EEFSEC: variants seen among roughly 807,000 people sequenced by gnomAD.
EEFSEC encodes the protein eukaryotic elongation factor, selenocysteine-tRNA specific, also known as selenocysteine-specific elongation factor.
A neutral mutation model predicts 42.1 loss-of-function variants in EEFSEC; 43 were observed. That is an observed-to-expected ratio of 1.02 (90% confidence interval 0.80 to 1.32). The LOEUF is 1.32. EEFSEC is among the 40% of genes most tolerant of loss of function. The pLI is 0.00. For synonymous variants in EEFSEC, 354 were observed against 339.1 expected (o/e 1.04, Z -0.48); for missense variants, 745 against 803.6 (o/e 0.93, Z 0.88).
intron 1 of EEFSEC, among the ~76,000 whole-genome samples, chr3:128,195,903 T>C (rs867412335): frequency 6.6e-6 from 1 of 152,134 alleles, no homozygotes; most frequent in African/African-American, 2.4e-5. Flanking sequence ...TTTCAGGAAG[T>C]GTTTGGACCC....
intron 1 of EEFSEC, among the ~76,000 whole-genome samples, chr3:128,225,818 T>G (rs1254115586): frequency 6.6e-6 from 1 of 152,070 alleles, no homozygotes; most frequent in African/African-American, 2.4e-5. Context: ...ACCTGCAGGT[T>G]TTGGAGAGAA....
At chr3:128,381,739 G>C (rs1283074720) in intron 6 of EEFSEC, among the ~76,000 whole-genome samples, 1 of 152,186 alleles carries the variant, frequency 6.6e-6, no homozygotes, top group Non-Finnish European at 1.5e-5. Flanking sequence ...ACACGGAAGG[G>C]GCATCTTCGT....
intron 6 of EEFSEC, among the ~76,000 whole-genome samples, chr3:128,402,524 C>A (rs529645020): frequency 1.6e-4 from 25 of 152,320 alleles, no homozygotes; most frequent in African/African-American, 5.3e-4. Flanking sequence ...CTGGCGTTCC[C>A]GCTCTGCCTG....
At chr3:128,271,448 T>C (rs2066411791) in intron 4 of EEFSEC, among the ~76,000 whole-genome samples, 1 of 152,208 alleles carries the variant, frequency 6.6e-6, no homozygotes, top group South Asian at 2.1e-4. Context: ...GCAGTTTCTG[T>C]GCATTTGATG....
At chr3:128,340,861 G>A (rs1362596977) in intron 4 of EEFSEC, among the ~76,000 whole-genome samples, 1 of 152,188 alleles carries the variant, frequency 6.6e-6, no homozygotes, top group Non-Finnish European at 1.5e-5. Flanking sequence ...ACAGAGGGCT[G>A]GAAAATGCTA....
chr3:128,242,921 C>T (rs1207063637), intron 1 of EEFSEC, among the ~76,000 whole-genome samples: 3 of 152,204 alleles, frequency 2.0e-5, no homozygotes, highest in Non-Finnish European at 4.4e-5. Flanking sequence ...CGATTTTCTA[C>T]CCTGGGTTCA....
At chr3:128,333,663 A>G (rs138430272) in intron 4 of EEFSEC, among the ~76,000 whole-genome samples, 2 of 152,336 alleles carry the variant, frequency 1.3e-5, no homozygotes, top group East Asian at 1.9e-4. Flanking sequence ...CTGTGGTAAC[A>G]TAATGCAGCT....
chr3:128,376,411 G>T (rs776578867), intron 6 of EEFSEC, among the ~76,000 whole-genome samples: 2 of 152,136 alleles, frequency 1.3e-5, no homozygotes, highest in Admixed American at 6.5e-5. Context: ...CCAGGGCCCC[G>T]CAGCATTCTG....
chr3:128,246,250 A>T (rs1233877347), intron 1 of EEFSEC, among the ~76,000 whole-genome samples: 1 of 140,240 alleles, frequency 7.1e-6, no homozygotes, highest in Non-Finnish European at 1.6e-5. Context: ...ACACACACAC[A>T]CGCACACAAA....
At chr3:128,419,257 G>GA in the EEFSEC span, among the ~76,000 whole-genome samples, 7,158 of 152,054 alleles carry the variant, frequency 0.047, 248 homozygotes, top group Non-Finnish European at 0.068. Flanking sequence ...TGAAACAGGA[G>GA]AAAAAAAATG....
At chr3:128,271,021 A>G (rs910998422) in intron 4 of EEFSEC, among the ~76,000 whole-genome samples, 7 of 152,252 alleles carry the variant, frequency 4.6e-5, no homozygotes, top group African/African-American at 1.7e-4. Context: ...AATAATAGGA[A>G]AAAGCCAATA....
intron 6 of EEFSEC, among the ~76,000 whole-genome samples, chr3:128,366,977 A>T (rs1047034342): frequency 3.9e-5 from 6 of 152,174 alleles, no homozygotes; most frequent in Non-Finnish European, 7.4e-5. Flanking sequence ...GAAGTCCAAG[A>T]TCAAGGTGTC....
At chr3:128,313,248 G>A (rs1165632985) in intron 4 of EEFSEC, among the ~76,000 whole-genome samples, 4 of 152,228 alleles carry the variant, frequency 2.6e-5, no homozygotes, top group Admixed American at 2.0e-4. Flanking sequence ...ATCCAATTGG[G>A]GGAGTCCAGG....
the EEFSEC span, among the ~76,000 whole-genome samples, chr3:128,425,066 C>A: frequency 3.9e-5 from 6 of 152,184 alleles, no homozygotes. Flanking sequence ...CAGTAAAAAT[C>A]ACCCCTTTAA....
intron 1 of EEFSEC, among the ~76,000 whole-genome samples, chr3:128,242,395 A>T (rs1220310989): frequency 6.6e-6 from 1 of 152,204 alleles, no homozygotes; most frequent in Non-Finnish European, 1.5e-5. Flanking sequence ...CATCCTGCAC[A>T]TGTACCCCTG....
chr3:128,287,937 A>G (rs897934992), intron 4 of EEFSEC, among the ~76,000 whole-genome samples: 1 of 151,992 alleles, frequency 6.6e-6, no homozygotes, highest in Non-Finnish European at 1.5e-5. Context: ...TAGTATACAC[A>G]TTGTTTTGTA....
At chr3:128,251,649 AT>A (rs199539823) in intron 2 of EEFSEC, among the ~76,000 whole-genome samples, 10 of 151,386 alleles carry the variant, frequency 6.6e-5, no homozygotes, top group African/African-American at 1.9e-4. Context: ...TGCAATTTTA[AT>A]TTTTTTTTAA....
chr3:128,188,296 T>C (rs960466516), intron 1 of EEFSEC, among the ~76,000 whole-genome samples: 2 of 152,018 alleles, frequency 1.3e-5, no homozygotes, highest in African/African-American at 4.8e-5. Context: ...ACAGAATGGG[T>C]ATGAGGTATG....
intron 6 of EEFSEC, among the ~76,000 whole-genome samples, chr3:128,402,816 C>T (rs2068063785): frequency 6.6e-6 from 1 of 152,196 alleles, no homozygotes; most frequent in South Asian, 2.1e-4. Flanking sequence ...GCCCCTCAGC[C>T]CCAGCAGGGT....
Sources: gnomAD v4.1 joint callset for allele counts (sites outside exome capture counted in the v4.1 genomes callset) on GRCh38, gnomAD v4.1.1 for gene constraint, MANE v1.5 for transcripts, NCBI Gene and HGNC (gene_info 2026-07-23, HGNC 2026-07-21) for gene names.